Variants in NDRG2 observed in about 807,000 individuals in gnomAD.
NDRG2 encodes the protein NDRG family member 2.
Under a neutral mutation model 58.2 loss-of-function variants are expected in NDRG2, and 34 were observed. The ratio of observed to expected loss-of-function variants is 0.58; its 90% CI spans 0.44 to 0.78. NDRG2 has a LOEUF of 0.78. Ranked by LOEUF, NDRG2 falls within the 30% of genes least tolerant of loss-of-function variation. The probability of loss-of-function intolerance (pLI) is 0.00; values close to 1 mark genes in which losing one functional copy is unlikely to be tolerated. For missense variants in NDRG2, 434 were observed against 471.2 expected (o/e 0.92, Z 0.73); for synonymous variants, 187 against 175.9 (o/e 1.06, Z -0.50).
At chr14:21,053,678 C>T (rs561616353) in intron 1 of NDRG2, among the ~76,000 whole-genome samples, 45 of 152,120 alleles carry the variant, frequency 3.0e-4, no homozygotes, top group African/African-American at 9.9e-4. Flanking sequence ...GTGGTGCAGG[C>T]CTGTAGTCCC....
chr14:21,063,726 TTAA>T (rs1392908585), intron 1 of NDRG2, among the ~76,000 whole-genome samples: 3 of 152,198 alleles, frequency 2.0e-5, no homozygotes, highest in Non-Finnish European at 4.4e-5. Flanking sequence ...AGGTTATGTC[TTAA>T]TAAATGTTCA....
At chr14:21,068,955 A>G (rs1198514921) in intron 1 of NDRG2, among the ~76,000 whole-genome samples, 4 of 152,238 alleles carry the variant, frequency 2.6e-5, no homozygotes, top group African/African-American at 7.2e-5. Flanking sequence ...CGCTGTTCCA[A>G]CAACTGCCCA....
chr14:21,049,130 C>T (rs1885347352), intron 1 of NDRG2, among the ~76,000 whole-genome samples: 1 of 152,100 alleles, frequency 6.6e-6, no homozygotes, highest in South Asian at 2.1e-4. Flanking sequence ...TCCCTCCCAT[C>T]CAAAGGATTT....
At chr14:21,033,139 G>A (rs1371615519) in intron 1 of NDRG2, 4 of 379,024 alleles carry the variant, frequency 1.1e-5, no homozygotes, top group African/African-American at 8.5e-5. Context: ...AAGAAAAAGA[G>A]GTTGGAAAAA....
At chr14:21,028,764 C>G (rs1298467363), upstream of NDRG2, among the ~76,000 whole-genome samples, 1 of 151,884 alleles carries the variant, frequency 6.6e-6, no homozygotes, top group East Asian at 1.9e-4. Flanking sequence ...GAAAAGAGAT[C>G]ATTTAGAAAC....
upstream of NDRG2, among the ~76,000 whole-genome samples, chr14:21,026,674 A>G (rs1304400132): frequency 6.6e-6 from 1 of 151,732 alleles, no homozygotes; most frequent in Non-Finnish European, 1.5e-5. Context: ...CAACAACCCC[A>G]AATCTAAGGA....
At chr14:21,057,530 G>C (rs1885728042) in intron 1 of NDRG2, among the ~76,000 whole-genome samples, 2 of 150,974 alleles carry the variant, frequency 1.3e-5, no homozygotes. Flanking sequence ...TAGGGAACTT[G>C]AGAGGTCCTG....
rs1215933844 is a variant in NDRG2, at chr14:21,023,426, G to C, written c.-6-105C>G. The C allele has an allele frequency of 3.8e-6, 4 of 1,048,660 alleles. No homozygotes were observed. The Admixed American group carries it at 8.3e-5, about 22-fold the overall frequency. 65.0% of individuals were successfully genotyped at this position (1,048,660 alleles called of 1,614,324 possible). ...CACAGGAAGATGCAGGGAACAGAGG[G>C]ACCCAGGGGTTGAAGACTACTCTAG... is the stretch of plus-strand genomic sequence containing the variant. On this transcript the variant is annotated intron_variant, in intron 1 of 15. Coordinates refer to ENST00000556147, the MANE Select transcript of NDRG2 (RefSeq NM_001320329.2).
At position 21,019,127 on chromosome 14, in the gene NDRG2, A is replaced by G; in HGVS notation, c.750T>C (p.Asp250=). The change falls in exon 11 of 16, where the codon GAT becomes GAC. Residue 250 remains aspartate, a synonymous_variant. Transcript: ENST00000556147. ...TCTTAAAGTCTTACCTGAGGGTGAT[A>G]TCACCTCCACGCTCAAAGTTCAGGT... ...RRDLNFERGG[D]ITLRCPVMLV... The G allele has an allele frequency of 1.2e-6, 2 of 1,611,142 alleles. No individual in the cohort carries two copies.
intron 1 of NDRG2, among the ~76,000 whole-genome samples, chr14:21,054,303 GT>G (rs1257832414): frequency 1.3e-5 from 2 of 149,868 alleles, no homozygotes; most frequent in Non-Finnish European, 3.0e-5. Context: ...GTAAGGAGAT[GT>G]TTTTAGATAG....
At chr14:21,059,274 A>G (rs577604709) in intron 1 of NDRG2, among the ~76,000 whole-genome samples, 1 of 152,206 alleles carries the variant, frequency 6.6e-6, no homozygotes, top group South Asian at 2.1e-4. Context: ...TCTGGTCTTA[A>G]TCATTGCTGA....
intron 1 of NDRG2, chr14:21,034,427 C>A: frequency 1.5e-6 from 1 of 671,242 alleles, no homozygotes; most frequent in Non-Finnish European, 2.5e-6. Flanking sequence ...TTCTCATGAC[C>A]CAGAAAGAGG....
chr14:21,017,860 C>G (rs1236792325), intron 15 of NDRG2, 98 bp from the exon 16 acceptor site: 2 of 1,601,410 alleles, frequency 1.2e-6, no homozygotes, highest in Non-Finnish European at 1.7e-6. Context: ...CTAGTTATAA[C>G]TAAGCCAGGG....
At chr14:21,039,218 T>A (rs1182375440) in intron 1 of NDRG2, among the ~76,000 whole-genome samples, 1 of 152,140 alleles carries the variant, frequency 6.6e-6, no homozygotes, top group Non-Finnish European at 1.5e-5. Context: ...GCTGTTGTCC[T>A]GTGGGGAAGA....
chr14:21,017,334 C>G lies in NDRG2; in HGVS notation c.*262G>C. On this transcript the variant is annotated 3_prime_UTR_variant, in exon 16 of 16. Coordinates refer to ENST00000556147, the MANE Select transcript of NDRG2 (RefSeq NM_001320329.2). ...TCAGGACAGAGGATGCATATGCCCTCTCCACCTTAACATCAAAATGGGGGA... is the reference window on the plus strand; with the variant it reads ...TCAGGACAGAGGATGCATATGCCCTGTCCACCTTAACATCAAAATGGGGGA... 1.9e-6 allele frequency: 1 copy of G among 530,778 alleles called. No homozygotes were observed. The highest frequency in any genetic ancestry group is 2.1e-5 in the South Asian group (1 of 47,850). 32.9% of individuals were successfully genotyped at this position (530,778 alleles called of 1,614,324 possible).
chr14:21,019,868 C>G, intron 9 of NDRG2, 52 bp downstream of exon 9: 2 of 1,595,782 alleles, frequency 1.3e-6, no homozygotes, highest in African/African-American at 2.7e-5. Context: ...CCCAAGCATT[C>G]AAGTTCCCTG....
intron 1 of NDRG2, among the ~76,000 whole-genome samples, chr14:21,049,766 CT>C (rs113735552): frequency 0.049 from 6,738 of 138,908 alleles, 156 homozygotes; most frequent in South Asian, 0.13. Flanking sequence ...CATCTTTCTT[CT>C]TTTTTTTTTT....
intron 1 of NDRG2, chr14:21,036,198 T>G (rs763325569): frequency 1.1e-5 from 5 of 456,322 alleles, no homozygotes; most frequent in South Asian, 7.7e-5. Flanking sequence ...CAGTGGATGC[T>G]CTCGTCTCGC....
intron 1 of NDRG2, among the ~76,000 whole-genome samples, chr14:21,037,934 AG>A (rs1884724385): frequency 6.6e-6 from 1 of 152,122 alleles, no homozygotes; most frequent in African/African-American, 2.4e-5. Context: ...GGCAGGTGCA[AG>A]GGTGACTCCC....
Sources: allele counts gnomAD v4.1 joint callset (sites outside exome capture counted in the v4.1 genomes callset), GRCh38; gene constraint gnomAD v4.1.1; transcripts MANE v1.5; gene names NCBI Gene and HGNC (gene_info 2026-07-23, HGNC 2026-07-21).